Variants in SH3BP5 observed in about 807,000 individuals in gnomAD.
SH3BP5 encodes the protein SH3 domain binding protein 5.
SH3BP5 carries 22 observed loss-of-function variants against 43.3 expected under a neutral mutation model. That is an observed-to-expected ratio of 0.51 (90% CI 0.36 to 0.73). SH3BP5 has a LOEUF of 0.73. SH3BP5 is among the 30% of genes least tolerant of loss of function. SH3BP5 has a pLI of 0.00. For synonymous variants in SH3BP5, 255 were observed against 225.8 expected, an observed-to-expected ratio of 1.13 and a Z score of -1.16; for missense variants, 529 against 586.9, an observed-to-expected ratio of 0.90 and a Z score of 1.02.
chr3:15,296,694 C>CT (rs370273754), intron 3 of SH3BP5, among the ~76,000 whole-genome samples: 8,682 of 124,848 alleles, frequency 0.07, 534 homozygotes, highest in East Asian at 0.24. Context: ...AGTGTTTTTC[C>CT]TTTTTTTTTT....
At chr3:15,330,423 G>T in intron 2 of SH3BP5, 81 bp downstream of exon 2, 2 of 1,174,152 alleles carry the variant, frequency 1.7e-6, no homozygotes, top group South Asian at 1.3e-5. Flanking sequence ...TAACACTCCA[G>T]CTATGAAGAC....
intron 2 of SH3BP5, among the ~76,000 whole-genome samples, chr3:15,319,490 T>C (rs1412289998): frequency 1.3e-5 from 2 of 152,186 alleles, no homozygotes. Context: ...AAATATGGCC[T>C]ACAATTCTTT....
At chr3:15,309,901 G>A (rs569323070) in intron 2 of SH3BP5, among the ~76,000 whole-genome samples, 58 of 126,978 alleles carry the variant, frequency 4.6e-4, no homozygotes, top group African/African-American at 1.3e-3. Flanking sequence ...AGTCTTCCCC[G>A]CTCCACCCCC....
intron 3 of SH3BP5, among the ~76,000 whole-genome samples, chr3:15,296,249 C>A (rs1697565567): frequency 6.6e-6 from 1 of 151,830 alleles, no homozygotes; most frequent in African/African-American, 2.4e-5. Flanking sequence ...GTGGCCACTG[C>A]AGACAAAGGG....
At chr3:15,267,042 G>A (rs1322830835) in intron 4 of SH3BP5, among the ~76,000 whole-genome samples, 4 of 152,226 alleles carry the variant, frequency 2.6e-5, no homozygotes, top group African/African-American at 7.2e-5. Flanking sequence ...GAAGAAGAGG[G>A]TGAGATGAAG....
rs563467513 is a variant in SH3BP5, at chr3:15,302,949, C to G, written c.330+1154G>C. Among the ~76,000 whole-genome samples, 110 of 152,212 alleles carry G rather than the reference C, an allele frequency of 7.2e-4. 1 individual carries two copies. Among genetic ancestry groups the G allele is most frequent in the Non-Finnish European group, 1.3e-3 (85 of 68,000 alleles). ...TCTGCCTCCCTAGTGACTGGGATTA[C>G]AGGCGCCCACCACCATACCCGGCTA... On this transcript the variant is annotated intron_variant, in intron 3 of 8. Transcript: ENST00000383791.
chr3:15,320,811 T>C (rs1698308093), intron 2 of SH3BP5, among the ~76,000 whole-genome samples: 1 of 152,166 alleles, frequency 6.6e-6, no homozygotes, highest in Non-Finnish European at 1.5e-5. Flanking sequence ...CTGTCTTCTT[T>C]TGAGATGACA....
intron 3 of SH3BP5, among the ~76,000 whole-genome samples, chr3:15,296,694 C>CTTTTTTT (rs370273754): frequency 0.13 from 16,254 of 123,776 alleles, 1,602 homozygotes; most frequent in African/African-American, 0.23. Context: ...AGTGTTTTTC[C>CTTTTTTT]TTTTTTTTTT....
intron 2 of SH3BP5, among the ~76,000 whole-genome samples, chr3:15,327,152 G>T (rs1044604107): frequency 2.0e-5 from 3 of 151,964 alleles, no homozygotes; most frequent in Non-Finnish European, 4.4e-5. Flanking sequence ...CGGTGGGGAG[G>T]GGGGTAGCGA....
chr3:15,274,010 A>G (rs1257519849), intron 3 of SH3BP5, among the ~76,000 whole-genome samples: 1 of 152,180 alleles, frequency 6.6e-6, no homozygotes, highest in African/African-American at 2.4e-5. Context: ...TGGGGAGGCC[A>G]AGGCAGGTGG....
intron 7 of SH3BP5, chr3:15,257,621 CAT>C (rs1381930112): frequency 2.0e-5 from 3 of 153,464 alleles, no homozygotes; most frequent in African/African-American, 7.2e-5. Context: ...CTTCTGATCT[CAT>C]AAAGAACACA....
chr3:15,294,290 A>AGTGTGTGTGTGT (rs10522979), intron 3 of SH3BP5, among the ~76,000 whole-genome samples: 5 of 138,234 alleles, frequency 3.6e-5, no homozygotes, highest in African/African-American at 8.1e-5. Context: ...TGCAAAAGTA[A>AGTGTGTGTGTGT]GTGTGTGTGT....
At chr3:15,295,083 C>T (rs187258756) in intron 3 of SH3BP5, among the ~76,000 whole-genome samples, 4 of 152,226 alleles carry the variant, frequency 2.6e-5, no homozygotes, top group East Asian at 1.9e-4. Context: ...CAGCATCTCC[C>T]GCCAACACAC....
upstream of SH3BP5, among the ~76,000 whole-genome samples, chr3:15,335,377 CA>C (rs59127007): frequency 6.7e-6 from 1 of 149,292 alleles, no homozygotes; most frequent in Non-Finnish European, 1.5e-5. Context: ...GACTTTCTCT[CA>C]AAAAAAAAGA....
chr3:15,285,393 T>C (rs1021108274), intron 3 of SH3BP5, among the ~76,000 whole-genome samples: 2 of 152,198 alleles, frequency 1.3e-5, no homozygotes, highest in African/African-American at 4.8e-5. Context: ...CATTCCCCGC[T>C]CCGCTCAACC....
At chr3:15,332,013 G>A (rs1352421637) in intron 1 of SH3BP5, 12 of 511,934 alleles carry the variant, frequency 2.3e-5, no homozygotes, top group African/African-American at 1.6e-4. Flanking sequence ...CACCAGGCAC[G>A]CTGCACCGAC....
At chr3:15,294,330 T>TGTTTGTGC (rs565464561) in intron 3 of SH3BP5, among the ~76,000 whole-genome samples, 2 of 121,506 alleles carry the variant, frequency 1.6e-5, no homozygotes, top group Non-Finnish European at 3.3e-5. Context: ...TGTGTGTGTG[T>TGTTTGTGC]GCGCGCGCAT....
intron 3 of SH3BP5, among the ~76,000 whole-genome samples, chr3:15,283,925 G>A (rs1037050175): frequency 1.3e-5 from 2 of 152,262 alleles, no homozygotes; most frequent in Non-Finnish European, 2.9e-5. Context: ...CTGCTTAGAA[G>A]TATTGTCAGA....
Position 15,269,835 on chromosome 3 carries a change from C to A in SH3BP5, c.373G>T (p.Ala125Ser). 1 of 1,592,594 alleles carries A rather than the reference C, an allele frequency of 6.3e-7. No homozygotes were observed. ...TTGGCGGCACGGAGCACCTCTGTGG[C>A]CCTCTGGAAGTCCTGCGTGGCTTTC... Reference protein sequence around the residue: ...AQKATQDFQRATEVLRAAKET... With the variant: ...AQKATQDFQRSTEVLRAAKET... Residue 125 changes from alanine (A) to serine (S), a missense_variant, in exon 4 of 9, where the codon GCC becomes TCC. Physicochemically the swap from Ala to Ser is moderately conservative, Grantham distance 99. Transcript: ENST00000383791.
Sources: allele counts gnomAD v4.1 joint callset (sites outside exome capture counted in the v4.1 genomes callset), GRCh38; gene constraint gnomAD v4.1.1; transcripts MANE v1.5; gene names NCBI Gene and HGNC (gene_info 2026-07-23, HGNC 2026-07-21).